The following BPIFA2 variants were observed in gnomAD, a reference collection of about 807,000 sequenced individuals.
The protein encoded by BPIFA2 is BPI fold-containing family A member 2.
Under a neutral mutation model 25.7 loss-of-function variants are expected in BPIFA2, and 20 were observed. The observed-to-expected ratio is 0.78, with a 90% CI of 0.55 to 1.13. The LOEUF is 1.13. Ranked by LOEUF, BPIFA2 falls within the 50% of genes most tolerant of loss-of-function variation. The pLI is 0.00. For missense variants in BPIFA2, 300 were observed against 298.1 expected, an observed-to-expected ratio of 1.01 and a Z score of -0.05; for synonymous variants, 126 against 124.3, an observed-to-expected ratio of 1.01 and a Z score of -0.09.
At chr20:33,169,575 TCTC>T (rs1983834064) in intron 2 of BPIFA2, among the ~76,000 whole-genome samples, 1 of 152,198 alleles carries the variant, frequency 6.6e-6, no homozygotes, top group South Asian at 2.1e-4. Context: ...TGACAAATAA[TCTC>T]CTATGTTAAC....
At chr20:33,168,560 A>T (rs78483114) in intron 1 of BPIFA2, among the ~76,000 whole-genome samples, 4,398 of 152,280 alleles carry the variant, frequency 0.029, 188 homozygotes, top group African/African-American at 0.098. Flanking sequence ...GTTCATACTT[A>T]TATTCAACAA....
intron 5 of BPIFA2, among the ~76,000 whole-genome samples, chr20:33,176,161 T>C (rs1454782529): frequency 6.6e-6 from 1 of 152,210 alleles, no homozygotes; most frequent in Non-Finnish European, 1.5e-5. Context: ...TTTCAGATTG[T>C]CCCCAAATCA....
intron 5 of BPIFA2, among the ~76,000 whole-genome samples, chr20:33,177,042 C>T (rs1346277367): frequency 5.9e-5 from 9 of 152,122 alleles, no homozygotes; most frequent in Non-Finnish European, 8.8e-5. Flanking sequence ...ATGTTCACTT[C>T]TTTCATTCTT....
At chr20:33,163,454 C>G (rs1206488188), upstream of BPIFA2, among the ~76,000 whole-genome samples, 1 of 152,096 alleles carries the variant, frequency 6.6e-6, no homozygotes, top group African/African-American at 2.4e-5. Context: ...AGGCTTGGGG[C>G]TGGGGGTGCT....
chr20:33,165,803 T>C (rs1983705843), upstream of BPIFA2, among the ~76,000 whole-genome samples: 1 of 152,090 alleles, frequency 6.6e-6, no homozygotes. Context: ...ACATCTTCTA[T>C]GTGAGAAGAC....
chr20:33,164,335 C>T (rs6120128), upstream of BPIFA2, among the ~76,000 whole-genome samples: 2 of 151,948 alleles, frequency 1.3e-5, no homozygotes, highest in Non-Finnish European at 2.9e-5. Flanking sequence ...GAACAGGGAG[C>T]GACCCAGAGA....
chr20:33,180,833 C>T (rs533235163), intron 8 of BPIFA2, among the ~76,000 whole-genome samples: 10 of 152,276 alleles, frequency 6.6e-5, no homozygotes, highest in African/African-American at 1.9e-4. Flanking sequence ...ACAGACTGAG[C>T]TTTGATGCCA....
At chr20:33,181,031 T>C (rs1984263851) in intron 8 of BPIFA2, among the ~76,000 whole-genome samples, 193 bp from the exon 9 acceptor site, 1 of 152,166 alleles carries the variant, frequency 6.6e-6, no homozygotes, top group Non-Finnish European at 1.5e-5. Flanking sequence ...TGCCAGGTGC[T>C]AATGAAAGAC....
At chr20:33,163,018 T>A (rs1983623807) in intron 1 of BPIFA2, among the ~76,000 whole-genome samples, 1 of 152,190 alleles carries the variant, frequency 6.6e-6, no homozygotes, top group East Asian at 1.9e-4. Flanking sequence ...TTGTGGAAAG[T>A]AATTGTCAGT....
intron 5 of BPIFA2, among the ~76,000 whole-genome samples, chr20:33,177,306 G>C (rs965108300): frequency 2.0e-5 from 3 of 151,304 alleles, no homozygotes; most frequent in Admixed American, 1.3e-4. Flanking sequence ...AGTGAGCCGA[G>C]ATCGTGCCAC....
At chr20:33,162,536 T>G (rs1435813511) in intron 1 of BPIFA2, among the ~76,000 whole-genome samples, 1 of 152,214 alleles carries the variant, frequency 6.6e-6, no homozygotes, top group Non-Finnish European at 1.5e-5. Flanking sequence ...ACAGCACTTC[T>G]GAGTTATCTT....
chr20:33,178,463 C>T (rs963729469), intron 6 of BPIFA2, among the ~76,000 whole-genome samples: 32 of 152,198 alleles, frequency 2.1e-4, no homozygotes, highest in Admixed American at 1.6e-3. Context: ...ACCATATCCA[C>T]GCACTACCAA....
chr20:33,166,274 C>T (rs1442739088), upstream of BPIFA2, among the ~76,000 whole-genome samples: 1 of 152,154 alleles, frequency 6.6e-6, no homozygotes, highest in Non-Finnish European at 1.5e-5. Context: ...GCCTCGGCCT[C>T]CCAAAGTGCT....
intron 2 of BPIFA2, among the ~76,000 whole-genome samples, chr20:33,172,325 C>T (rs1483120263): frequency 3.9e-5 from 6 of 151,982 alleles, no homozygotes; most frequent in East Asian, 3.9e-4. Context: ...TTGATAGGTG[C>T]GGCAAACTAC....
chr20:33,170,489 GC>G (rs1173888735), intron 2 of BPIFA2, among the ~76,000 whole-genome samples: 38 of 152,096 alleles, frequency 2.5e-4, no homozygotes, highest in Non-Finnish European at 2.9e-5. Flanking sequence ...AACCTCCTGG[GC>G]TCAACTGATC....
At chr20:33,173,264 C>A (rs914943032) in intron 3 of BPIFA2, among the ~76,000 whole-genome samples, 188 bp downstream of exon 3, 1 of 152,128 alleles carries the variant, frequency 6.6e-6, no homozygotes, top group Non-Finnish European at 1.5e-5. Flanking sequence ...AGAGTCAATC[C>A]GGGCATCTTA....
intron 5 of BPIFA2, 106 bp downstream of exon 5, chr20:33,175,665 C>A: frequency 1.6e-6 from 2 of 1,268,684 alleles, no homozygotes; most frequent in South Asian, 1.5e-5. Context: ...TGAAAGTGTT[C>A]AGGCTCTGGA....
At chr20:33,181,136 G>A (rs1260493684) in intron 8 of BPIFA2, 88 bp from the exon 9 acceptor site, 1 of 152,616 alleles carries the variant, frequency 6.6e-6, no homozygotes, top group Non-Finnish European at 1.5e-5. Flanking sequence ...GTCAACTTGG[G>A]TCCCATCAAG....
chr20:33,180,419 A>G (rs900137973), intron 7 of BPIFA2, 101 bp from the exon 8 acceptor site: 7 of 1,325,156 alleles, frequency 5.3e-6, no homozygotes, highest in Admixed American at 1.7e-5. Flanking sequence ...GGGTCCCACA[A>G]CTGTCAGGTT....
Sources: gnomAD v4.1 joint callset for allele counts (sites outside exome capture counted in the v4.1 genomes callset) on GRCh38, gnomAD v4.1.1 for gene constraint, MANE v1.5 for transcripts, NCBI Gene and HGNC (gene_info 2026-07-23, HGNC 2026-07-21) for gene names.